Variants in ARPC1B observed in about 807,000 individuals in gnomAD.
The protein encoded by ARPC1B is actin related protein 2/3 complex subunit 1B.
In ARPC1B, 29 loss-of-function variants were observed where a neutral mutation model predicts 46.0. That is an observed-to-expected ratio of 0.63 (90% CI 0.47 to 0.86). The LOEUF is 0.86. Ranked by LOEUF, ARPC1B falls within the 40% of genes least tolerant of loss-of-function variation. The pLI is 0.00. For synonymous variants in ARPC1B, 201 were observed against 213.9 expected, an observed-to-expected ratio of 0.94 and a Z score of 0.53; for missense variants, 469 against 529.4, an observed-to-expected ratio of 0.89 and a Z score of 1.12.
chr7:99,394,264 A>G (rs1794690030), intron 9 of ARPC1B, 145 bp downstream of exon 9: 2 of 1,110,172 alleles, frequency 1.8e-6, no homozygotes, highest in South Asian at 1.3e-5. Flanking sequence ...GCCCCTTGAC[A>G]TCTGGGCCTT....
At chr7:99,389,411 G>A (rs1259907222) in intron 4 of ARPC1B, 1 of 156,810 alleles carries the variant, frequency 6.4e-6, no homozygotes, top group African/African-American at 2.4e-5. Flanking sequence ...TGTAGAGATA[G>A]GGTCTTGTCA....
chr7:99,380,975 C>T (rs1451835824), intron 1 of ARPC1B, among the ~76,000 whole-genome samples: 2 of 152,166 alleles, frequency 1.3e-5, no homozygotes, highest in East Asian at 1.9e-4. Context: ...TGGGGGTTGT[C>T]GGGGTGTAGA....
chr7:99,388,211 CA>C lies in ARPC1B; in HGVS notation c.343del (p.Ser115AlafsTer5). On this transcript the variant is annotated frameshift_variant, in exon 4 of 10. Transcript: ENST00000646101. LOFTEE classifies it high-confidence loss of function. ...APNENKFAVG[S>X]GSRVISICYF... is the part of the protein sequence containing the mutation. Reference sequence around the variant, plus strand: ...CCAACGAGAACAAGTTTGCTGTGGGCAGCGGCTCTCGTGTGATCTCCATCTG... The same window carrying C: ...CCAACGAGAACAAGTTTGCTGTGGGCGCGGCTCTCGTGTGATCTCCATCTG... 1.9e-6 allele frequency: 3 copies of C among 1,614,240 alleles called. No homozygotes were observed. Among genetic ancestry groups the C allele is most frequent in the Non-Finnish European group, 2.5e-6 (3 of 1,180,018 alleles).
rs759317512 is a variant in ARPC1B, at chr7:99,392,885, G to A, written c.989+9G>A. ...CACAAGAACAGCGTCAGGTGAGAGC[G>A]GGAGCCGGGCCGGCGGGTGGGCGGG... On this transcript the variant is annotated intron_variant, in intron 8 of 9. Transcript: ENST00000646101. 11 of 1,530,556 alleles carry A rather than the reference G, an allele frequency of 7.2e-6. No homozygotes were observed. The highest frequency in any genetic ancestry group is 4.8e-5 in the South Asian group (4 of 83,176). The allele number at this position is 1,530,556 out of a possible 1,614,324, so 94.8% of individuals were successfully genotyped here.
chr7:99,394,758 A>C lies in ARPC1B; in HGVS notation c.*269A>C. The C allele has an allele frequency of 8.4e-7, 1 of 1,194,746 alleles. No individual in the cohort carries two copies. The highest frequency in any genetic ancestry group is 4.4e-5 in the South Asian group (1 of 22,934). The allele number at this position is 1,194,746 out of a possible 1,614,324, so 74.0% of individuals were successfully genotyped here. A position where few individuals can be genotyped will look rare whatever the true frequency, so the allele number is the denominator to read the frequency against. ...GGTCATGAACTGCTTCAAAATGTGG[A>C]GGTAATAAAATGCAACTGTGTAAAA... On this transcript the variant is annotated 3_prime_UTR_variant, in exon 10 of 10. Coordinates refer to ENST00000646101, the MANE Select transcript of ARPC1B (RefSeq NM_005720.4).
At chr7:99,393,642 C>T (rs1384689390) in intron 8 of ARPC1B, among the ~76,000 whole-genome samples, 2 of 152,124 alleles carry the variant, frequency 1.3e-5, no homozygotes, top group East Asian at 3.9e-4. Context: ...ACTGGCCAAG[C>T]CCTTCGGTCT....
At chr7:99,378,226 ATTTT>A (rs557812870) in intron 1 of ARPC1B, among the ~76,000 whole-genome samples, 1 of 138,548 alleles carries the variant, frequency 7.2e-6, no homozygotes, top group African/African-American at 2.6e-5. Flanking sequence ...CATCCCGCTA[ATTTT>A]TTTTTTTTTT....
rs1219708794 is a variant in ARPC1B, at chr7:99,394,170, TCCC to T, written c.1080+55_1080+57del. ...CGCCATGCCTCCCAGGTCAACCCTT[TCCC>T]CCCATCCCCACTCCCTGGAGATGAC... is the stretch of plus-strand genomic sequence containing the variant. On this transcript the variant is annotated intron_variant, in intron 9 of 9. Transcript: ENST00000646101. 2.5e-6 allele frequency: 4 copies of T among 1,572,936 alleles called. No individual in the cohort carries two copies. In the African/African-American group the frequency reaches 4.1e-5, roughly 16 times the overall value.
chr7:99,386,329 TTACCCAGA>T, intron 2 of ARPC1B: 1 of 422,488 alleles, frequency 2.4e-6, no homozygotes, highest in Non-Finnish European at 4.5e-6. Context: ...ATTTTGACAT[TTACCCAGA>T]GACCCAGAGG....
chr7:99,387,186 A>G (rs937459415), intron 3 of ARPC1B, among the ~76,000 whole-genome samples: 3 of 152,222 alleles, frequency 2.0e-5, no homozygotes, highest in African/African-American at 4.8e-5. Context: ...TCATGCCTGT[A>G]ATCCCAGCAC....
intron 1 of ARPC1B, among the ~76,000 whole-genome samples, chr7:99,383,894 G>A (rs561878341): frequency 2.5e-4 from 38 of 152,290 alleles, no homozygotes; most frequent in East Asian, 1.9e-4. Flanking sequence ...GGCCAGGTGC[G>A]GTGTGTCATC....
At position 99,378,869 on chromosome 7, in the gene ARPC1B, C is replaced by T. The variant is rs549942337; in HGVS notation, c.-14+4088C>T. On this transcript the variant is annotated intron_variant, in intron 1 of 9. Coordinates refer to ENST00000646101, the MANE Select transcript of ARPC1B (RefSeq NM_005720.4). ...TCGGCTCACTGCAAGCTCCGCCTTC[C>T]GGGTTCACGCCATTCTCTTGCCTCA... Among the ~76,000 whole-genome samples, 13 of 141,800 alleles carry T rather than the reference C, an allele frequency of 9.2e-5. No homozygotes were observed. The South Asian group carries it at 1.2e-3, about 13-fold the overall frequency. The allele number at this position is 141,800 out of a possible 152,430, so 93.0% of individuals were successfully genotyped here.
chr7:99,385,769 G>T lies in ARPC1B; in HGVS notation c.55G>T (p.Asp19Tyr). The change falls in exon 2 of 10, where the codon GAC (aspartate) becomes TAC (tyrosine). Residue 19 changes from aspartate to tyrosine, a missense_variant. Physicochemically the swap from Asp to Tyr is radical, Grantham distance 160. Coordinates refer to ENST00000646101, the MANE Select transcript of ARPC1B (RefSeq NM_005720.4). ...EPISCHAWNK[D>Y]RTQIAICPNN... is the part of the protein sequence containing the mutation. ...CATCAGCTGCCACGCCTGGAACAAG[G>T]ACCGCACCCGTGAGTGCTTGCTGGG... The T allele has an allele frequency of 6.2e-7, 1 of 1,609,848 alleles. No homozygotes were observed. Among genetic ancestry groups the T allele is most frequent in the East Asian group, 2.2e-5 (1 of 44,786 alleles).
chr7:99,390,866 T>C lies in ARPC1B; in HGVS notation c.501-27T>C. The C allele has an allele frequency of 2.5e-6, 4 of 1,573,024 alleles. No homozygotes were observed. The Admixed American group carries it at 5.2e-5, about 20-fold the overall frequency. On this transcript the variant is annotated intron_variant, in intron 5 of 9. Coordinates refer to ENST00000646101, the MANE Select transcript of ARPC1B (RefSeq NM_005720.4). ...GTGCGCACCACCATGCCTGGCTACT[T>C]TACCTCTACTTTGCCTATCCCGGTA... is the stretch of plus-strand genomic sequence containing the variant.
rs755884757 is a variant in ARPC1B at position 99,385,766 on chromosome 7, A to C, written c.52A>C (p.Lys18Gln). Residue 18 changes from lysine (K) to glutamine (Q), a missense_variant, in exon 2 of 10, where the codon AAG becomes CAG. By Grantham distance (53) the Lys-to-Gln change is moderately conservative. Coordinates refer to ENST00000646101, the MANE Select transcript of ARPC1B (RefSeq NM_005720.4). ...GCCCATCAGCTGCCACGCCTGGAAC[A>C]AGGACCGCACCCGTGAGTGCTTGCT... is the stretch of plus-strand genomic sequence containing the variant. ...VEPISCHAWN[K>Q]DRTQIAICPN... 1.3e-5 allele frequency: 21 copies of C among 1,610,182 alleles called. No individual in the cohort carries two copies. In the Middle Eastern group the frequency reaches 4.9e-4, roughly 38 times the overall value.
At chr7:99,393,564 C>T (rs1794653104) in intron 8 of ARPC1B, among the ~76,000 whole-genome samples, 3 of 152,028 alleles carry the variant, frequency 2.0e-5, no homozygotes, top group African/African-American at 7.3e-5. Flanking sequence ...CTCTTCAAAG[C>T]CCAAAAGCTG....
chr7:99,394,533 G>A lies in ARPC1B; in HGVS notation c.*44G>A, dbSNP rs373763249. On this transcript the variant is annotated 3_prime_UTR_variant, in exon 10 of 10. Coordinates refer to ENST00000646101, the MANE Select transcript of ARPC1B (RefSeq NM_005720.4). ...CCTTCATCCTAGCTGCTGGGGAAGC[G>A]GGGAGAGGGGTCAGGGAGGCTAATG... The A allele has an allele frequency of 2.5e-5, 40 of 1,613,660 alleles. No individual in the cohort carries two copies. The highest frequency in any genetic ancestry group is 8.9e-5 in the East Asian group (4 of 44,886).
intron 4 of ARPC1B, 94 bp downstream of exon 4, chr7:99,388,355 T>C: frequency 1.6e-6 from 2 of 1,248,288 alleles, no homozygotes; most frequent in Non-Finnish European, 2.3e-6. Context: ...TCAGGACCCC[T>C]GTTCCCATCA....
In ARPC1B at chr7:99,394,099, A is replaced by G. The variant is rs1351750750; in HGVS notation, c.1060A>G (p.Met354Val). ...QFCTTGMDGG[M>V]SIWDVKSLES... ...CTGCACCACTGGCATGGATGGCGGC[A>G]TGAGTATCTGGGATGTGAAGGTGAG... The change falls in exon 9 of 10, where the codon ATG becomes GTG. Residue 354 changes from methionine (M) to valine (V), a missense_variant. Transcript: ENST00000646101. 6.2e-7 allele frequency: 1 copy of G among 1,613,642 alleles called. No individual in the cohort carries two copies. Among genetic ancestry groups the G allele is most frequent in the East Asian group, 2.2e-5 (1 of 44,882 alleles).
Sources: allele counts gnomAD v4.1 joint callset (sites outside exome capture counted in the v4.1 genomes callset), GRCh38; gene constraint gnomAD v4.1.1; transcripts MANE v1.5; gene names NCBI Gene and HGNC (gene_info 2026-07-23, HGNC 2026-07-21).